The following CNTN6 variants were observed in gnomAD, a reference collection of about 807,000 sequenced individuals.
CNTN6 encodes contactin 6.
Under a neutral mutation model 122.8 loss-of-function variants are expected in CNTN6, and 137 were observed. The observed-to-expected ratio is 1.12, with a 90% CI of 0.97 to 1.29. The LOEUF (loss-of-function observed/expected upper bound fraction) is 1.29, where lower values mean the gene tolerates loss of function less well. CNTN6 is among the 50% of genes most tolerant of loss of function. CNTN6 has a pLI of 0.00. For missense variants in CNTN6, 1,634 were observed against 1,223.4 expected (o/e 1.34, Z -5.01); for synonymous variants, 570 against 426.0 (o/e 1.34, Z -4.16).
chr3:1,238,162 T>C (rs1559573704), intron 4 of CNTN6, among the ~76,000 whole-genome samples: 1 of 152,086 alleles, frequency 6.6e-6, no homozygotes, highest in Non-Finnish European at 1.5e-5. Context: ...AAACGAGAAT[T>C]CTCCAATAAA....
intron 8 of CNTN6, among the ~76,000 whole-genome samples, chr3:1,322,744 T>C (rs945195639): frequency 6.6e-6 from 1 of 151,592 alleles, no homozygotes; most frequent in Non-Finnish European, 1.5e-5. Context: ...ATATTGTGTG[T>C]CTGTAATATT....
At chr3:1,310,545 T>C (rs955585221) in intron 7 of CNTN6, among the ~76,000 whole-genome samples, 2 of 152,358 alleles carry the variant, frequency 1.3e-5, no homozygotes, top group Non-Finnish European at 2.9e-5. Flanking sequence ...TTTCCATTTG[T>C]ATTAATGAAA....
intron 5 of CNTN6, 64 bp from the exon 6 acceptor site, chr3:1,295,537 T>C (rs1696063163): frequency 1.4e-6 from 2 of 1,388,750 alleles, no homozygotes; most frequent in Non-Finnish European, 2.0e-6. Flanking sequence ...AATTTTCAGA[T>C]ATGAATGAAT....
At chr3:1,094,802 A>T (rs1207910507) in intron 1 of CNTN6, among the ~76,000 whole-genome samples, 1 of 152,074 alleles carries the variant, frequency 6.6e-6, no homozygotes. Flanking sequence ...GTAGTATAAT[A>T]GTAAATTTGT....
At chr3:1,267,017 G>A (rs143984153) in intron 4 of CNTN6, among the ~76,000 whole-genome samples, 179 of 133,878 alleles carry the variant, frequency 1.3e-3, no homozygotes, top group African/African-American at 4.9e-3. Flanking sequence ...CCAGGTTCAA[G>A]CAATTCTTCT....
chr3:1,140,612 A>G (rs2125136102), intron 1 of CNTN6, among the ~76,000 whole-genome samples: 1 of 152,278 alleles, frequency 6.6e-6, no homozygotes, highest in South Asian at 2.1e-4. Context: ...TCACACTAGT[A>G]TCTTTCAGCA....
At chr3:1,297,273 A>C (rs9872993) in intron 6 of CNTN6, among the ~76,000 whole-genome samples, 3,432 of 152,248 alleles carry the variant, frequency 0.023, 145 homozygotes, top group African/African-American at 0.078. Context: ...AAGTATTTAA[A>C]TAATCTTGAG....
At chr3:1,155,624 T>G (rs61355814) in intron 2 of CNTN6, among the ~76,000 whole-genome samples, 24,420 of 152,146 alleles carry the variant, frequency 0.16, 2,923 homozygotes, top group African/African-American at 0.32. Context: ...GTAGAACATT[T>G]AACATACAGC....
At chr3:1,370,711 G>A (rs549459110) in intron 12 of CNTN6, among the ~76,000 whole-genome samples, 2 of 152,148 alleles carry the variant, frequency 1.3e-5, no homozygotes, top group East Asian at 1.9e-4. Context: ...TACCTGGCAT[G>A]GTGGTGCGTG....
At chr3:1,389,432 C>T (rs1326688829) in intron 20 of CNTN6, among the ~76,000 whole-genome samples, 1 of 151,948 alleles carries the variant, frequency 6.6e-6, no homozygotes, top group African/African-American at 2.4e-5. Context: ...TGGAAAGGAA[C>T]AACCGGTACC....
At chr3:1,372,995 C>T (rs751107566) in intron 14 of CNTN6, 40 bp downstream of exon 14, 2 of 1,162,762 alleles carry the variant, frequency 1.7e-6, no homozygotes, top group Admixed American at 1.9e-5. Flanking sequence ...ATTGTTTCTT[C>T]ACAGTTACAG....
intron 9 of CNTN6, 90 bp downstream of exon 9, chr3:1,326,041 T>A (rs768977381): frequency 8.9e-7 from 1 of 1,122,588 alleles, no homozygotes; most frequent in Non-Finnish European, 1.3e-6. Flanking sequence ...AAACAGCTAA[T>A]GTTAATGGAG....
chr3:1,328,335 G>A (rs1285337585), intron 10 of CNTN6, among the ~76,000 whole-genome samples: 4 of 151,916 alleles, frequency 2.6e-5, no homozygotes, highest in South Asian at 2.1e-4. Flanking sequence ...TAAATGACGC[G>A]TTGATAGTTT....
chr3:1,106,011 C>A (rs2124991114), intron 1 of CNTN6, among the ~76,000 whole-genome samples: 1 of 152,236 alleles, frequency 6.6e-6, no homozygotes, highest in African/African-American at 2.4e-5. Context: ...ATGAAGCAGT[C>A]AGGAAATGTA....
At chr3:1,097,052 T>C (rs997460038) in intron 1 of CNTN6, among the ~76,000 whole-genome samples, 2 of 152,230 alleles carry the variant, frequency 1.3e-5, no homozygotes, top group African/African-American at 4.8e-5. Flanking sequence ...GTTGTTATTC[T>C]CAGTATTCAT....
rs778659800 is a variant in CNTN6 at position 1,321,758 on chromosome 3, A to T, written c.870A>T (p.Glu290Asp). The change falls in exon 8 of 23, where the codon GAA becomes GAT. Residue 290 changes from glutamate (E) to aspartate (D), a missense_variant. Transcript: ENST00000446702. Reference protein sequence around the residue: ...AILEIPNFQQEDEGFYECIAS... With the variant: ...AILEIPNFQQDDEGFYECIAS... ...TTGAAATCCCGAACTTCCAACAAGA[A>T]GATGAAGGCTTTTATGAGTGCATTG... The T allele has an allele frequency of 8.1e-6, 13 of 1,611,986 alleles. No individual in the cohort carries two copies. The highest frequency in any genetic ancestry group is 8.5e-6 in the Non-Finnish European group (10 of 1,178,684).
intron 17 of CNTN6, among the ~76,000 whole-genome samples, chr3:1,379,205 C>T (rs561521196): frequency 1.4e-4 from 22 of 152,194 alleles, no homozygotes; most frequent in African/African-American, 5.1e-4. Context: ...TGTCTTTCCA[C>T]GATTTATAAT....
At chr3:1,215,388 CATT>C (rs1356171317) in intron 2 of CNTN6, among the ~76,000 whole-genome samples, 1 of 152,174 alleles carries the variant, frequency 6.6e-6, no homozygotes, top group Non-Finnish European at 1.5e-5. Flanking sequence ...CATCTCAAAA[CATT>C]ATAGCAGTAA....
intron 20 of CNTN6, among the ~76,000 whole-genome samples, chr3:1,386,485 T>C (rs1692957765): frequency 6.6e-6 from 1 of 152,204 alleles, no homozygotes; most frequent in Non-Finnish European, 1.5e-5. Flanking sequence ...TTTTCATCTT[T>C]TGGTGATTGT....
Sources: gnomAD v4.1 joint callset for allele counts (sites outside exome capture counted in the v4.1 genomes callset) on GRCh38, gnomAD v4.1.1 for gene constraint, MANE v1.5 for transcripts, NCBI Gene and HGNC (gene_info 2026-07-23, HGNC 2026-07-21) for gene names.